The following INVS variants were observed in gnomAD, a reference collection of about 807,000 sequenced individuals.
The protein encoded by INVS is inversin.
In INVS, 86 loss-of-function variants were observed where a neutral mutation model predicts 108.8. The ratio of observed to expected loss-of-function variants is 0.79; its 90% CI spans 0.66 to 0.95. INVS has a LOEUF of 0.95. Ranked by LOEUF, INVS falls within the 40% of genes least tolerant of loss-of-function variation. The pLI, the probability that INVS is intolerant of heterozygous loss-of-function variation, is 0.00. For synonymous variants in INVS, 455 were observed against 473.5 expected (o/e 0.96, Z 0.51); for missense variants, 1,169 against 1,297.4 (o/e 0.90, Z 1.52).
chr9:100,235,795 T>A (rs1831671091), intron 5 of INVS, among the ~76,000 whole-genome samples: 1 of 152,184 alleles, frequency 6.6e-6, no homozygotes, highest in Non-Finnish European at 1.5e-5. Flanking sequence ...TGGCGCCCCT[T>A]AACATTTTTT....
At position 100,240,119 on chromosome 9, in the gene INVS, TCA is replaced by T; in HGVS notation, c.677_678del (p.His226LeufsTer5). The part of the protein sequence containing the change: ...WQDYEGRTPL[H>X]FAVADGNVTV... ...AAGACTACGAGGGTCGAACTCCTCT[TCA>T]CTTTGCAGTTGCTGATGGGAATGTG... On this transcript the variant is annotated frameshift_variant, in exon 6 of 17. Transcript: ENST00000262457. LOFTEE classifies it high-confidence loss of function. The T allele has an allele frequency of 6.2e-7, 1 of 1,614,166 alleles. No homozygotes were observed. Among genetic ancestry groups the T allele is most frequent in the Non-Finnish European group, 8.5e-7 (1 of 1,179,988 alleles).
chr9:100,123,840 C>T (rs752256663), intron 2 of INVS, among the ~76,000 whole-genome samples: 2 of 152,254 alleles, frequency 1.3e-5, no homozygotes, highest in Non-Finnish European at 2.9e-5. Context: ...GGTTTTTGTT[C>T]TGTTACCCAG....
At chr9:100,138,700 CTTTTTT>C (rs36096327) in intron 3 of INVS, among the ~76,000 whole-genome samples, 2 of 124,938 alleles carry the variant, frequency 1.6e-5, no homozygotes, top group South Asian at 5.2e-4. Context: ...TGATGGTTTC[CTTTTTT>C]TTTTTTTTTT....
chr9:100,126,458 T>G lies in INVS; in HGVS notation c.182T>G (p.Leu61Trp). The G allele has an allele frequency of 6.8e-6, 11 of 1,614,118 alleles. No individual in the cohort carries two copies. Among genetic ancestry groups the G allele is most frequent in the Non-Finnish European group, 9.3e-6 (11 of 1,179,962 alleles). ...PLMYCVLADR[L>W]DCADALLKAG... ...ATGTATTGCGTGTTGGCTGACAGATTGGATTGTGCAGATGCTCTTCTGAAG... is the reference window on the plus strand; with the variant it reads ...ATGTATTGCGTGTTGGCTGACAGATGGGATTGTGCAGATGCTCTTCTGAAG... Residue 61 changes from leucine to tryptophan, a missense_variant, in exon 3 of 17, where the codon TTG becomes TGG. By Grantham distance (61) the Leu-to-Trp change is moderately conservative. Coordinates refer to ENST00000262457, the MANE Select transcript of INVS (RefSeq NM_014425.5).
At chr9:100,153,201 T>C (rs573012498) in intron 3 of INVS, among the ~76,000 whole-genome samples, 1 of 150,852 alleles carries the variant, frequency 6.6e-6, no homozygotes, top group African/African-American at 2.4e-5. Context: ...AAAAGACTAA[T>C]AAATATGGCT....
intron 1 of INVS, chr9:100,101,894 C>A (rs1005649715): frequency 1.3e-5 from 2 of 152,118 alleles, no homozygotes; most frequent in African/African-American, 4.8e-5. Context: ...CTCTCTGGTC[C>A]TTGTAGGCAT....
chr9:100,168,624 G>A (rs1435026215), intron 3 of INVS, among the ~76,000 whole-genome samples: 6 of 152,114 alleles, frequency 3.9e-5, no homozygotes, highest in African/African-American at 1.4e-4. Context: ...GTGGGCTGTT[G>A]GGTAACCCTG....
intron 10 of INVS, among the ~76,000 whole-genome samples, chr9:100,263,306 T>A (rs913997830): frequency 4.6e-5 from 7 of 152,190 alleles, no homozygotes; most frequent in African/African-American, 1.7e-4. Flanking sequence ...ATCTTACCAT[T>A]CTAGATGTCA....
intron 2 of INVS, among the ~76,000 whole-genome samples, chr9:100,116,129 G>T: frequency 6.7e-6 from 1 of 149,258 alleles, no homozygotes. Context: ...TTTGAGACAG[G>T]GTCATACTCT....
Position 100,242,673 on chromosome 9 carries a change from C to T in INVS, c.900C>T (p.Asn300=), listed in dbSNP as rs752481190. The change falls in exon 7 of 17, where the codon AAC becomes AAT. Residue 300 remains asparagine, a synonymous_variant. Transcript: ENST00000262457. ...CTTTGCACTATGCTGCTCAGAGTAA[C>T]TTTGCTGTAAGTAAAACAAGACAAT... ...ATPLHYAAQS[N]FAETVKVFLK... is the part of the protein sequence containing the mutation. The T allele has an allele frequency of 2.5e-6, 4 of 1,577,866 alleles. No individual in the cohort carries two copies. In the African/African-American group the frequency reaches 5.4e-5, roughly 21 times the overall value.
chr9:100,118,019 AC>A (rs756657508), intron 2 of INVS, among the ~76,000 whole-genome samples: 12 of 151,270 alleles, frequency 7.9e-5, no homozygotes, highest in South Asian at 4.2e-4. Flanking sequence ...AGCCTCCAGA[AC>A]TGCTAGGCAC....
chr9:100,221,315 T>TA (rs913358157), intron 3 of INVS, among the ~76,000 whole-genome samples: 15 of 151,960 alleles, frequency 9.9e-5, no homozygotes, highest in Admixed American at 1.3e-4. Context: ...ATTTTTTTTT[T>TA]TTTTTTGAGA....
chr9:100,104,654 C>T (rs1350347159), intron 2 of INVS, 27 bp downstream of exon 2: 2 of 1,475,604 alleles, frequency 1.4e-6, no homozygotes, highest in East Asian at 4.5e-5. Flanking sequence ...AGTACAGAAA[C>T]TTTAAAAGCA....
At chr9:100,223,259 G>T (rs1485069557) in intron 3 of INVS, among the ~76,000 whole-genome samples, 1 of 151,688 alleles carries the variant, frequency 6.6e-6, no homozygotes, top group African/African-American at 2.4e-5. Context: ...ATGCCCGGCT[G>T]ATTTTTTTTG....
intron 3 of INVS, among the ~76,000 whole-genome samples, chr9:100,132,147 A>G (rs1588024650): frequency 1.3e-5 from 2 of 152,162 alleles, no homozygotes; most frequent in African/African-American, 2.4e-5. Flanking sequence ...GGCAGTGACC[A>G]TGTCTTATTT....
chr9:100,292,850 T>C lies in INVS; in HGVS notation c.2593T>C (p.Ser865Pro). The C allele has an allele frequency of 6.2e-7, 1 of 1,614,162 alleles. No individual in the cohort carries two copies. Among genetic ancestry groups the C allele is most frequent in the South Asian group, 1.1e-5 (1 of 91,078 alleles). The change falls in exon 14 of 17, where the codon TCT (serine) becomes CCT (proline). Residue 865 changes from serine (S) to proline (P), a missense_variant. Around this residue, in one of 3 missense-constraint regions of INVS, gnomAD observed 533 missense variants for 536.0 expected, o/e 0.99. Coordinates refer to ENST00000262457, the MANE Select transcript of INVS (RefSeq NM_014425.5). ...GTCAGGAGCTAGGAGGCTGGAGACATCTACCCTGTCCGAGGACTTTCAGGT... is the reference window on the plus strand; with the variant it reads ...GTCAGGAGCTAGGAGGCTGGAGACACCTACCCTGTCCGAGGACTTTCAGGT... The part of the protein sequence containing the change: ...LRSGARRLET[S>P]TLSEDFQVSK...
At chr9:100,274,390 A>G (rs551350780) in intron 12 of INVS, among the ~76,000 whole-genome samples, 45 of 152,286 alleles carry the variant, frequency 3.0e-4, no homozygotes, top group African/African-American at 1.1e-3. Flanking sequence ...ATTTTAGATT[A>G]TACTTAGGTT....
intron 3 of INVS, among the ~76,000 whole-genome samples, chr9:100,209,292 CTT>C (rs1564159236): frequency 1.3e-5 from 2 of 152,164 alleles, no homozygotes; most frequent in Non-Finnish European, 2.9e-5. Context: ...GGGAGCAGGT[CTT>C]CTGCCTTTTA....
At chr9:100,171,426 A>T (rs1468888322) in intron 3 of INVS, among the ~76,000 whole-genome samples, 2 of 152,182 alleles carry the variant, frequency 1.3e-5, no homozygotes, top group Non-Finnish European at 2.9e-5. Flanking sequence ...TGATGTTCAC[A>T]CTATGACAAA....
Sources: gnomAD v4.1 joint callset for allele counts (sites outside exome capture counted in the v4.1 genomes callset) on GRCh38, gnomAD v4.1.1 for gene constraint, gnomAD v4.1.1 regional missense constraint, MANE v1.5 for transcripts, NCBI Gene and HGNC (gene_info 2026-07-23, HGNC 2026-07-21) for gene names.